Variants in KALRN observed in about 807,000 individuals in gnomAD.
The protein encoded by KALRN is kalirin RhoGEF kinase, also known as kalirin.
A neutral mutation model predicts 353.7 loss-of-function variants in KALRN; 70 were observed. The observed-to-expected ratio is 0.20, with a 90% CI of 0.16 to 0.24. The LOEUF (loss-of-function observed/expected upper bound fraction) is 0.24, where lower values mean the gene tolerates loss of function less well. KALRN is among the 10% of genes least tolerant of loss of function. The pLI is 1.00. For missense variants in KALRN, 2,791 were observed against 3,756.7 expected (o/e 0.74, Z 6.72); for synonymous variants, 1,391 against 1,434.8 (o/e 0.97, Z 0.69).
In KALRN at chr3:124,033,546, C is replaced by T. The variant is rs538588127; in HGVS notation, c.-195C>T. The stretch of plus-strand genomic sequence containing the variant: ...GGCGGCAGGCACCCCCAGCCCGCCG[C>T]GCGCCTCCGCCTGAGGGAGGCTCAG... On this transcript the variant is annotated 5_prime_UTR_variant, in exon 1 of 60. Coordinates refer to ENST00000682506, the MANE Select transcript of KALRN (RefSeq NM_001388419.1). This position sits in a 1 kb window ranked among gnomAD's most constrained non-coding sequence, Gnocchi z 6.2. Among the ~76,000 whole-genome samples the T allele has an allele frequency of 4.0e-5, 6 of 151,740 alleles. No individual in the cohort carries two copies. The highest frequency in any genetic ancestry group is 1.4e-4 in the African/African-American group (6 of 41,474).
At chr3:124,249,775 C>T (rs891552913) in intron 3 of KALRN, among the ~76,000 whole-genome samples, 1 of 152,196 alleles carries the variant, frequency 6.6e-6, no homozygotes, top group African/African-American at 2.4e-5. Context: ...AGCCCTTGGT[C>T]CTCCCTGTTC....
At chr3:124,278,754 C>A (rs1479226499) in intron 5 of KALRN, among the ~76,000 whole-genome samples, 1 of 152,170 alleles carries the variant, frequency 6.6e-6, no homozygotes, top group Non-Finnish European at 1.5e-5. Context: ...CCTGTCCTCT[C>A]CTTCCAAGGT....
At chr3:124,349,737 C>T (rs961392841) in intron 10 of KALRN, among the ~76,000 whole-genome samples, 1 of 152,062 alleles carries the variant, frequency 6.6e-6, no homozygotes, top group Non-Finnish European at 1.5e-5. Flanking sequence ...AAAAGAAAGC[C>T]TCATAGCCAA....
At chr3:124,121,919 G>A (rs1033788873) in intron 1 of KALRN, among the ~76,000 whole-genome samples, 18 of 152,314 alleles carry the variant, frequency 1.2e-4, no homozygotes, top group African/African-American at 3.8e-4. Context: ...CATTGCTTCA[G>A]GGAAGATGGG....
intron 1 of KALRN, chr3:124,164,039 A>T: frequency 1.5e-5 from 14 of 939,924 alleles, no homozygotes; most frequent in Non-Finnish European, 1.8e-5. Flanking sequence ...ACTTAACTGT[A>T]CACAGTCAGT....
intron 1 of KALRN, among the ~76,000 whole-genome samples, chr3:124,156,880 G>A (rs192953314): frequency 3.9e-5 from 6 of 152,220 alleles, no homozygotes; most frequent in Non-Finnish European, 7.4e-5. Flanking sequence ...CACCCTAGAC[G>A]TTGCATAATT....
At chr3:124,603,425 G>A (rs914802154) in intron 34 of KALRN, among the ~76,000 whole-genome samples, 18 of 152,206 alleles carry the variant, frequency 1.2e-4, no homozygotes, top group African/African-American at 3.9e-4. Flanking sequence ...AAAATTCACA[G>A]ACCTCTCCTT....
chr3:124,246,104 C>T (rs1385426433), intron 3 of KALRN, among the ~76,000 whole-genome samples: 1 of 152,210 alleles, frequency 6.6e-6, no homozygotes, highest in Admixed American at 6.5e-5. Flanking sequence ...TATACCTAGA[C>T]ATGGGATCGC....
intron 13 of KALRN, among the ~76,000 whole-genome samples, chr3:124,411,138 T>C (rs1285984403): frequency 6.6e-6 from 1 of 152,104 alleles, no homozygotes; most frequent in African/African-American, 2.4e-5. Flanking sequence ...AATTCTAGAA[T>C]AGGCAAAACT....
At chr3:124,328,481 C>G (rs78040308) in intron 7 of KALRN, among the ~76,000 whole-genome samples, 3,301 of 152,274 alleles carry the variant, frequency 0.022, 100 homozygotes, top group African/African-American at 0.074. Context: ...GTGTTCCCCC[C>G]ATGATTGACA....
rs748065907 is a variant in KALRN, at chr3:124,446,211, A to G, written c.3364A>G (p.Thr1122Ala). 5 of 1,613,996 alleles carry G rather than the reference A, an allele frequency of 3.1e-6. No individual in the cohort carries two copies. The highest frequency in any genetic ancestry group is 4.2e-6 in the Non-Finnish European group (5 of 1,179,998). The change falls in exon 20 of 60, where the codon ACC (threonine) becomes GCC (alanine). Residue 1122 changes from threonine to alanine, a missense_variant. This residue lies in a region of KALRN where 268 missense variants were observed against 347.0 expected (regional missense o/e 0.77). Transcript: ENST00000682506. ...GGAGAATCGCGTGCTGCATTTCTGG[A>G]CCTTGAAGAAGCGGCGGTTAGACCA... ...QRENRVLHFW[T>A]LKKRRLDQCQ... is the part of the protein sequence containing the mutation.
intron 23 of KALRN, among the ~76,000 whole-genome samples, chr3:124,457,897 A>G (rs2059478067): frequency 6.6e-6 from 1 of 152,152 alleles, no homozygotes; most frequent in Non-Finnish European, 1.5e-5. Context: ...TTACTTCAAA[A>G]TACTTTCTAG....
intron 3 of KALRN, among the ~76,000 whole-genome samples, chr3:124,257,542 A>G (rs905238254): frequency 6.6e-6 from 1 of 152,268 alleles, no homozygotes; most frequent in African/African-American, 2.4e-5. Flanking sequence ...CTGATCAATC[A>G]TCCAGTCATT....
chr3:124,603,663 C>T (rs532372991), intron 34 of KALRN, among the ~76,000 whole-genome samples: 69 of 152,250 alleles, frequency 4.5e-4, no homozygotes, highest in African/African-American at 1.6e-3. Context: ...CTCCCCACAA[C>T]TCTCCCACGA....
intron 3 of KALRN, among the ~76,000 whole-genome samples, chr3:124,259,329 A>G (rs1472761444): frequency 3.9e-5 from 6 of 152,208 alleles, no homozygotes; most frequent in African/African-American, 1.4e-4. Context: ...AAGTATTCAG[A>G]GATGGTTACA....
intron 1 of KALRN, among the ~76,000 whole-genome samples, chr3:124,179,369 C>G (rs887727769): frequency 5.3e-5 from 8 of 152,290 alleles, no homozygotes; most frequent in African/African-American, 1.9e-4. Flanking sequence ...TCACTGTCTT[C>G]TACCTCCACA....
At chr3:124,664,370 T>C (rs6793258) in intron 45 of KALRN, among the ~76,000 whole-genome samples, 51,157 of 128,864 alleles carry the variant, frequency 0.4, 9,670 homozygotes, top group Middle Eastern at 0.54. Flanking sequence ...TGTGTGTGTG[T>C]GCGCGCGCGC....
chr3:124,135,940 C>G (rs560189251), intron 1 of KALRN, among the ~76,000 whole-genome samples: 2 of 152,258 alleles, frequency 1.3e-5, no homozygotes, highest in South Asian at 4.2e-4. Flanking sequence ...GTTACATTCC[C>G]CATTCTACAG....
At chr3:124,424,878 G>T (rs2093560480) in intron 15 of KALRN, among the ~76,000 whole-genome samples, 1 of 152,168 alleles carries the variant, frequency 6.6e-6, no homozygotes, top group Non-Finnish European at 1.5e-5. Context: ...GTACCATGGG[G>T]TTAGTGCTCC....
Sources: gnomAD v4.1 joint callset for allele counts (sites outside exome capture counted in the v4.1 genomes callset) on GRCh38, gnomAD v4.1.1 for gene constraint, gnomAD v4.1.1 regional missense constraint, Gnocchi (gnomAD v3.1) non-coding constraint, MANE v1.5 for transcripts, NCBI Gene and HGNC (gene_info 2026-07-23, HGNC 2026-07-21) for gene names.